Variants in CCSER1 observed in about 807,000 individuals in gnomAD.
CCSER1 encodes the protein serine-rich coiled-coil domain-containing protein 1.
In CCSER1, 41 loss-of-function variants were observed where a neutral mutation model predicts 82.0. The ratio of observed to expected loss-of-function variants is 0.50; its 90% CI spans 0.39 to 0.65. The LOEUF (loss-of-function observed/expected upper bound fraction) is 0.65, where lower values mean the gene tolerates loss of function less well. CCSER1 is among the 30% of genes least tolerant of loss of function. CCSER1 has a pLI of 0.00. For synonymous variants in CCSER1, 414 were observed against 383.9 expected, an observed-to-expected ratio of 1.08 and a Z score of -0.92; for missense variants, 1,119 against 1,064.2, an observed-to-expected ratio of 1.05 and a Z score of -0.72.
intron 10 of CCSER1, among the ~76,000 whole-genome samples, chr4:91,258,470 C>T (rs554636608): frequency 6.6e-6 from 1 of 152,110 alleles, no homozygotes; most frequent in African/African-American, 2.4e-5. Context: ...CATAAAAATA[C>T]ATTATCAGAT....
intron 8 of CCSER1, among the ~76,000 whole-genome samples, chr4:90,915,621 C>G (rs1041143324): frequency 1.4e-4 from 21 of 152,120 alleles, no homozygotes; most frequent in African/African-American, 5.1e-4. Context: ...GGGATGCCCT[C>G]TCTCACCACT....
intron 7 of CCSER1, among the ~76,000 whole-genome samples, chr4:90,785,436 C>T (rs992070864): frequency 1.3e-5 from 2 of 152,116 alleles, no homozygotes; most frequent in African/African-American, 4.8e-5. Flanking sequence ...TGTTGTGCAG[C>T]TGGATAAAGT....
intron 3 of CCSER1, among the ~76,000 whole-genome samples, chr4:90,335,430 AAG>A (rs147654725): frequency 0.015 from 2,211 of 152,248 alleles, 66 homozygotes; most frequent in African/African-American, 0.05. Flanking sequence ...AATTATATAT[AAG>A]CTTGTAGGTT....
At chr4:90,908,819 G>A (rs1281169198) in intron 8 of CCSER1, among the ~76,000 whole-genome samples, 1 of 152,066 alleles carries the variant, frequency 6.6e-6, no homozygotes, top group Non-Finnish European at 1.5e-5. Context: ...ACATTTTCAT[G>A]TTACTCTGCT....
chr4:90,846,538 A>G (rs757901745), intron 8 of CCSER1, among the ~76,000 whole-genome samples: 2 of 152,202 alleles, frequency 1.3e-5, no homozygotes, highest in African/African-American at 2.4e-5. Context: ...TTGGATATTC[A>G]TTGCCTCAAA....
intron 3 of CCSER1, among the ~76,000 whole-genome samples, chr4:90,367,937 A>G (rs1308560945): frequency 3.9e-5 from 6 of 151,982 alleles, no homozygotes; most frequent in Admixed American, 1.3e-4. Context: ...AAAGAAAAAT[A>G]TATGGATTAA....
chr4:90,637,946 T>C (rs536793707), intron 6 of CCSER1, among the ~76,000 whole-genome samples: 2 of 152,306 alleles, frequency 1.3e-5, no homozygotes, highest in Non-Finnish European at 1.5e-5. Flanking sequence ...TCTGTGAATA[T>C]AACTCTCTTA....
At chr4:90,135,910 T>C (rs564359913) in intron 1 of CCSER1, among the ~76,000 whole-genome samples, 15 of 152,342 alleles carry the variant, frequency 9.8e-5, no homozygotes, top group Middle Eastern at 3.4e-3. Context: ...CCACAATAAA[T>C]GAAATACTTG....
chr4:90,288,930 A>C (rs1026728616), intron 1 of CCSER1, among the ~76,000 whole-genome samples: 1 of 151,934 alleles, frequency 6.6e-6, no homozygotes, highest in Non-Finnish European at 1.5e-5. Flanking sequence ...TAAATTACTC[A>C]GGGAGTCTTT....
intron 8 of CCSER1, among the ~76,000 whole-genome samples, chr4:90,850,355 A>T (rs1257094368): frequency 6.6e-6 from 1 of 152,092 alleles, no homozygotes; most frequent in Non-Finnish European, 1.5e-5. Context: ...CATATTCTGG[A>T]TCCCAGAATC....
At chr4:90,415,535 T>C (rs1210418052) in intron 4 of CCSER1, among the ~76,000 whole-genome samples, 1 of 152,228 alleles carries the variant, frequency 6.6e-6, no homozygotes, top group Non-Finnish European at 1.5e-5. Flanking sequence ...AGCAATGTTA[T>C]TTCCTGATGA....
intron 10 of CCSER1, among the ~76,000 whole-genome samples, chr4:91,396,139 C>T (rs543396008): frequency 3.0e-4 from 46 of 152,164 alleles, no homozygotes; most frequent in Admixed American, 7.2e-4. Flanking sequence ...CTGAGGCAAC[C>T]AACTGGGTCC....
At chr4:90,281,377 A>G (rs1223297046) in intron 1 of CCSER1, among the ~76,000 whole-genome samples, 6 of 152,028 alleles carry the variant, frequency 3.9e-5, no homozygotes, top group Admixed American at 2.0e-4. Context: ...AAAACTACCT[A>G]TTGGGAACTA....
intron 10 of CCSER1, among the ~76,000 whole-genome samples, chr4:91,180,952 G>T (rs928744762): frequency 2.0e-5 from 3 of 152,240 alleles, no homozygotes; most frequent in Admixed American, 6.5e-5. Context: ...CTAGTTAACT[G>T]CAGCAGGAGC....
At chr4:91,283,232 A>G (rs1439097036) in intron 10 of CCSER1, among the ~76,000 whole-genome samples, 2 of 152,150 alleles carry the variant, frequency 1.3e-5, no homozygotes, top group African/African-American at 4.8e-5. Context: ...AGATGTGTTC[A>G]TTCTAACTTT....
intron 9 of CCSER1, among the ~76,000 whole-genome samples, chr4:91,079,091 C>T (rs1581495776): frequency 6.6e-6 from 1 of 152,152 alleles, no homozygotes; most frequent in African/African-American, 2.4e-5. Context: ...CACAAAGATA[C>T]TCCTCGAGAA....
intron 7 of CCSER1, among the ~76,000 whole-genome samples, chr4:90,725,666 G>T (rs1359969135): frequency 6.6e-6 from 1 of 151,448 alleles, no homozygotes; most frequent in African/African-American, 2.4e-5. Flanking sequence ...TTGTCATTGT[G>T]TAAATGAGTA....
chr4:91,480,010 G>A (rs1373636593), intron 10 of CCSER1, among the ~76,000 whole-genome samples: 49 of 138,478 alleles, frequency 3.5e-4, no homozygotes, highest in Middle Eastern at 3.6e-3. Flanking sequence ...TTTTGTTCTT[G>A]CGATAGTTTA....
intron 1 of CCSER1, among the ~76,000 whole-genome samples, chr4:90,247,772 T>C (rs184051879): frequency 9.9e-5 from 15 of 152,160 alleles, no homozygotes; most frequent in Non-Finnish European, 1.5e-4. Flanking sequence ...GTTATTTTAA[T>C]ATATAGTCAG....
Sources: gnomAD v4.1 joint callset for allele counts (sites outside exome capture counted in the v4.1 genomes callset) on GRCh38, gnomAD v4.1.1 for gene constraint, MANE v1.5 for transcripts, NCBI Gene and HGNC (gene_info 2026-07-23, HGNC 2026-07-21) for gene names.